Variants in ICA1 observed in about 807,000 individuals in gnomAD.
The protein encoded by ICA1 is 69 kDa islet cell autoantigen.
A neutral mutation model predicts 71.0 loss-of-function variants in ICA1; 40 were observed. That is an observed-to-expected ratio of 0.56 (90% CI 0.44 to 0.73). The LOEUF (loss-of-function observed/expected upper bound fraction) is 0.73. Among genes scored for constraint, ICA1 ranks in the 30% least tolerant of loss-of-function variants. The probability of loss-of-function intolerance (pLI) is 0.00; values close to 1 mark genes in which losing one functional copy is unlikely to be tolerated. For missense variants in ICA1, 578 were observed against 576.5 expected (o/e 1.00, Z -0.03); for synonymous variants, 207 against 209.5 (o/e 0.99, Z 0.10).
chr7:8,127,805 T>A, intron 13 of ICA1, 68 bp downstream of exon 13: 1 of 1,466,698 alleles, frequency 6.8e-7, no homozygotes, highest in Non-Finnish European at 9.2e-7. Context: ...GGAAGAAATA[T>A]GCTTTTGGAT....
intron 3 of ICA1, among the ~76,000 whole-genome samples, chr7:8,230,575 G>C (rs1019940690): frequency 6.6e-6 from 1 of 152,032 alleles, no homozygotes; most frequent in Non-Finnish European, 1.5e-5. Context: ...TTTTGATTAA[G>C]GTACATTTGG....
intron 6 of ICA1, among the ~76,000 whole-genome samples, chr7:8,205,245 G>A (rs1272978578): frequency 6.6e-6 from 1 of 152,134 alleles, no homozygotes; most frequent in Non-Finnish European, 1.5e-5. Context: ...GGGAGGGAAG[G>A]TGAGGAAGCA....
intron 1 of ICA1, among the ~76,000 whole-genome samples, chr7:8,258,095 G>C (rs983757572): frequency 6.6e-6 from 1 of 152,066 alleles, no homozygotes; most frequent in Non-Finnish European, 1.5e-5. Flanking sequence ...TCTCCTGTTG[G>C]GGTGGGATGC....
chr7:8,192,320 TAG>T (rs1052067691), intron 6 of ICA1, among the ~76,000 whole-genome samples: 5 of 152,224 alleles, frequency 3.3e-5, no homozygotes. Context: ...GCAGGTATTT[TAG>T]AGAGTGTTCC....
chr7:8,229,329 G>C (rs1047483466), intron 3 of ICA1, among the ~76,000 whole-genome samples: 1 of 152,202 alleles, frequency 6.6e-6, no homozygotes, highest in Non-Finnish European at 1.5e-5. Flanking sequence ...CTGGGGGATA[G>C]GCAGATGGGG....
At chr7:8,184,164 T>C (rs1233765571) in intron 6 of ICA1, among the ~76,000 whole-genome samples, 2 of 152,240 alleles carry the variant, frequency 1.3e-5, no homozygotes, top group African/African-American at 2.4e-5. Context: ...GCCTTCTAAA[T>C]TGGCAAATGT....
intron 12 of ICA1, among the ~76,000 whole-genome samples, chr7:8,136,360 T>G (rs910983797): frequency 2.0e-5 from 3 of 152,240 alleles, no homozygotes; most frequent in African/African-American, 7.2e-5. Context: ...TTTTTATTTC[T>G]TGACTGTTTA....
chr7:8,222,823 C>T lies in ICA1; in HGVS notation c.257-1425G>A, dbSNP rs1178700142. Among the ~76,000 whole-genome samples the T allele has an allele frequency of 6.6e-6, 1 of 152,202 alleles. No homozygotes were observed. The highest frequency in any genetic ancestry group is 1.9e-4 in the East Asian group (1 of 5,202). The stretch of plus-strand genomic sequence containing the variant: ...CTATTTCTCCGGACAGCAGTGCTCT[C>T]TGGGCACCTGACTTAGCACTCACCT... On this transcript the variant is annotated intron_variant, in intron 4 of 13. Transcript: ENST00000402384. The surrounding 1 kb of genome is among the most constrained non-coding windows in gnomAD (Gnocchi z 4.8).
At chr7:8,146,676 G>T (rs1797011203) in intron 8 of ICA1, among the ~76,000 whole-genome samples, 1 of 151,258 alleles carries the variant, frequency 6.6e-6, no homozygotes, top group Non-Finnish European at 1.5e-5. Context: ...GGATGTTCAT[G>T]ATTTTTTTAT....
intron 6 of ICA1, among the ~76,000 whole-genome samples, chr7:8,187,972 C>T (rs1406501629): frequency 6.6e-6 from 1 of 152,130 alleles, no homozygotes; most frequent in African/African-American, 2.4e-5. Context: ...AAGAAACCTG[C>T]CTGAGATTAT....
intron 6 of ICA1, among the ~76,000 whole-genome samples, chr7:8,171,863 C>A (rs1200724338): frequency 1.3e-5 from 2 of 151,714 alleles, no homozygotes; most frequent in East Asian, 1.9e-4. Context: ...TTCTTTAATC[C>A]ACAAGTTATT....
chr7:8,134,376 C>T (rs1490739534), intron 12 of ICA1, among the ~76,000 whole-genome samples: 1 of 152,166 alleles, frequency 6.6e-6, no homozygotes, highest in Admixed American at 6.6e-5. Flanking sequence ...TATTTTTGAA[C>T]TCATACTGAG....
intron 6 of ICA1, among the ~76,000 whole-genome samples, chr7:8,210,579 C>T (rs909350636): frequency 7.3e-5 from 11 of 151,582 alleles, no homozygotes; most frequent in South Asian, 2.1e-4. Context: ...CATTTATAAA[C>T]GCAAAATTAT....
intron 6 of ICA1, among the ~76,000 whole-genome samples, chr7:8,170,052 A>T (rs1807715352): frequency 6.6e-6 from 1 of 151,960 alleles, no homozygotes; most frequent in Admixed American, 6.6e-5. Context: ...TCAAGTTCAC[A>T]TTTACACATG....
rs1292532040 is a variant in ICA1, at chr7:8,218,380, T to C, written c.504A>G (p.Gly168=). The change falls in exon 6 of 14, where the codon GGA becomes GGG. Residue 168 remains glycine (G), a synonymous_variant. Coordinates refer to ENST00000402384, the MANE Select transcript of ICA1 (RefSeq NM_001136020.3). ...ACACGTCCTTCATCCATAATAGTGC[T>C]CCTCTATATTCCGTCCTGCACTGTT... is the stretch of plus-strand genomic sequence containing the variant. ...RMEQCRTEYR[G]ALLWMKDVSQ... 6.2e-6 allele frequency: 10 copies of C among 1,614,098 alleles called. No individual in the cohort carries two copies. The highest frequency in any genetic ancestry group is 7.6e-6 in the Non-Finnish European group (9 of 1,179,966).
chr7:8,213,803 C>A (rs559425933), intron 6 of ICA1, among the ~76,000 whole-genome samples: 1 of 152,206 alleles, frequency 6.6e-6, no homozygotes, highest in African/African-American at 2.4e-5. Flanking sequence ...AATAAGGTCC[C>A]ACCGAGTAAG....
At chr7:8,168,933 GTA>G (rs1562805298) in intron 6 of ICA1, among the ~76,000 whole-genome samples, 2 of 152,006 alleles carry the variant, frequency 1.3e-5, no homozygotes, top group African/African-American at 4.8e-5. Flanking sequence ...TTGAACAAAC[GTA>G]TATAGTTATG....
chr7:8,145,551 A>G (rs1796560337), intron 8 of ICA1, among the ~76,000 whole-genome samples: 1 of 152,134 alleles, frequency 6.6e-6, no homozygotes, highest in South Asian at 2.1e-4. Flanking sequence ...CAGTTTTATT[A>G]ATATTTGATC....
rs536527321 is a variant in ICA1 at position 8,238,965 on chromosome 7, C to T, written c.-79-2960G>A. ...AGGCTTTGCAAGTCATTCTTAAGCA[C>T]ATTAAAGTATGAGAACCACAGCTAA... On this transcript the variant is annotated intron_variant, in intron 1 of 13. Transcript: ENST00000402384. Among the ~76,000 whole-genome samples the T allele has an allele frequency of 2.6e-5, 4 of 152,286 alleles. No homozygotes were observed. In the South Asian group the frequency reaches 8.3e-4, roughly 32 times the overall value.
Sources: allele counts gnomAD v4.1 joint callset (sites outside exome capture counted in the v4.1 genomes callset), GRCh38; gene constraint gnomAD v4.1.1; non-coding constraint Gnocchi (gnomAD v3.1); transcripts MANE v1.5; gene names NCBI Gene and HGNC (gene_info 2026-07-23, HGNC 2026-07-21).